Variants in B3GALT5 observed in about 807,000 individuals in gnomAD.
B3GALT5 encodes UDP-Gal:betaGlcNAc beta 1,3-galactosyltransferase, polypeptide 5.
For missense variants in B3GALT5, 328 were observed against 396.6 expected (o/e 0.83, Z 1.47); for synonymous variants, 156 against 158.6 (o/e 0.98, Z 0.12).
In B3GALT5 at chr21:39,669,151, G is replaced by A. The variant is rs947257415; in HGVS notation, c.*7659G>A. 2.6e-5 allele frequency: 4 copies of A among 152,082 alleles called. No individual in the cohort carries two copies. Among genetic ancestry groups the A allele is most frequent in the African/African-American group, 7.2e-5 (3 of 41,394 alleles). 9.4% of individuals were successfully genotyped at this position (152,082 alleles called of 1,614,324 possible). On this transcript the variant is annotated 3_prime_UTR_variant, in exon 4 of 4. Transcript: ENST00000684187. Reference sequence around the variant, plus strand: ...AACTCTTGGAGAAGTTCTTCTGTTCGTGACATTCTTCACAATCAGAGCACT... The same window carrying A: ...AACTCTTGGAGAAGTTCTTCTGTTCATGACATTCTTCACAATCAGAGCACT...
At chr21:39,639,335 TTTCTTTCTTTCTTTCC>T (rs1434090816) in intron 1 of B3GALT5, among the ~76,000 whole-genome samples, 29 of 118,364 alleles carry the variant, frequency 2.5e-4, no homozygotes, top group East Asian at 1.6e-3. Flanking sequence ...TCTTTCTTTC[TTTCTTTCTTTCTTTCC>T]TTCCTTCCTT....
rs561089215 is a variant in B3GALT5 at position 39,616,776 on chromosome 21, T to A, written c.-392+3709T>A. Reference sequence around the variant, plus strand: ...GAGCAGAAGCAGTGGGAATGATGGATAATCATGATTGGTGGATTTAGTCTC... The same window carrying A: ...GAGCAGAAGCAGTGGGAATGATGGAAAATCATGATTGGTGGATTTAGTCTC... On this transcript the variant is annotated intron_variant, in intron 1 of 3. Coordinates refer to ENST00000684187, the MANE Select transcript of B3GALT5 (RefSeq NM_001356336.2). Among the ~76,000 whole-genome samples the A allele has an allele frequency of 3.9e-5, 6 of 152,322 alleles. 1 individual carries two copies. The South Asian group carries it at 1.2e-3, about 32-fold the overall frequency.
At chr21:39,659,227 AGACAGAGT>A (rs2079483827) in intron 2 of B3GALT5, among the ~76,000 whole-genome samples, 1 of 152,302 alleles carries the variant, frequency 6.6e-6, no homozygotes, top group African/African-American at 2.4e-5. Context: ...CCAGCCTGGG[AGACAGAGT>A]GACATCAGGT....
In B3GALT5 at chr21:39,660,938, G is replaced by C. The variant is rs141182818; in HGVS notation, c.379G>C (p.Val127Leu). Residue 127 changes from valine to leucine, a missense_variant, in exon 4 of 4, where the codon GTC (valine) becomes CTC (leucine). By Grantham distance (32) the Val-to-Leu change is conservative. Transcript: ENST00000684187. ...GDIIQKDFLD[V>L]YYNLTLKTMM... Reference sequence around the variant, plus strand: ...CATTATCCAGAAGGATTTCCTAGACGTCTATTACAATCTGACCCTGAAGAC... The same window carrying C: ...CATTATCCAGAAGGATTTCCTAGACCTCTATTACAATCTGACCCTGAAGAC... The C allele has an allele frequency of 1.9e-6, 3 of 1,607,286 alleles. No homozygotes were observed. The Admixed American group carries it at 5.0e-5, about 27-fold the overall frequency.
intron 3 of B3GALT5, 102 bp from the exon 4 acceptor site, chr21:39,660,458 T>G: frequency 9.6e-7 from 1 of 1,041,880 alleles, no homozygotes; most frequent in East Asian, 2.8e-5. Flanking sequence ...GGTTCTAGAG[T>G]TTCCAAAACA....
Position 39,668,838 on chromosome 21 carries a change from GA to G in B3GALT5, c.*7347del, listed in dbSNP as rs2079601537. Reference sequence around the variant, plus strand: ...CTCCGTTTTGTTATCTGAAGAATGGGACCATAGTAGTTCCCGCCTCATGGGA... The same window carrying G: ...CTCCGTTTTGTTATCTGAAGAATGGGCCATAGTAGTTCCCGCCTCATGGGA... On this transcript the variant is annotated 3_prime_UTR_variant, in exon 4 of 4. Coordinates refer to ENST00000684187, the MANE Select transcript of B3GALT5 (RefSeq NM_001356336.2). 6.6e-6 allele frequency: 1 copy of G among 152,172 alleles called. No homozygotes were observed. The highest frequency in any genetic ancestry group is 2.1e-4 in the South Asian group (1 of 4,826). 9.4% of individuals were successfully genotyped at this position (152,172 alleles called of 1,614,324 possible). A position where few individuals can be genotyped will look rare whatever the true frequency, so the allele number is the denominator to read the frequency against.
At chr21:39,646,157 A>G (rs796325983) in intron 1 of B3GALT5, among the ~76,000 whole-genome samples, 2 of 152,220 alleles carry the variant, frequency 1.3e-5, no homozygotes, top group African/African-American at 4.8e-5. Context: ...CTGCCTCTGC[A>G]GCTTTGCCCG....
At chr21:39,639,291 TTTCTTTC>T (rs1297633580) in intron 1 of B3GALT5, among the ~76,000 whole-genome samples, 4 of 45,988 alleles carry the variant, frequency 8.7e-5, no homozygotes, top group Non-Finnish European at 1.7e-4. Context: ...CATCTGGCTC[TTTCTTTC>T]TTTCTTTCTT....
intron 1 of B3GALT5, among the ~76,000 whole-genome samples, chr21:39,629,650 G>GAATGT (rs1602261816): frequency 2.6e-5 from 4 of 152,184 alleles, no homozygotes; most frequent in South Asian, 2.1e-4. Flanking sequence ...AAGCAACTTT[G>GAATGT]AATGTGTTAA....
intron 1 of B3GALT5, 108 bp downstream of exon 1, chr21:39,613,175 G>A (rs1018015926): frequency 2.0e-5 from 3 of 150,886 alleles, no homozygotes; most frequent in African/African-American, 7.3e-5. Context: ...GGACCGCGGC[G>A]CGGCCGCGCA....
chr21:39,640,782 C>T (rs1431007056), intron 1 of B3GALT5, among the ~76,000 whole-genome samples: 1 of 151,382 alleles, frequency 6.6e-6, no homozygotes, highest in Non-Finnish European at 1.5e-5. Context: ...GAGTCTTGCT[C>T]TGGTTGGAGT....
chr21:39,624,851 G>GTT (rs55894121), intron 1 of B3GALT5, among the ~76,000 whole-genome samples: 3 of 146,762 alleles, frequency 2.0e-5, no homozygotes, highest in Non-Finnish European at 3.0e-5. Context: ...CAAGGCGATA[G>GTT]TTTTTTTTTT....
chr21:39,661,743 G>A lies in B3GALT5; in HGVS notation c.*251G>A. ...ACACCTGGATTTTTGCATTTCAGGG[G>A]TCAGTATCCTATGACATGATGGGTG... On this transcript the variant is annotated 3_prime_UTR_variant, in exon 4 of 4. Transcript: ENST00000684187. This position sits in a 1 kb window ranked among gnomAD's most constrained non-coding sequence, Gnocchi z 4.7. The A allele has an allele frequency of 2.6e-6, 1 of 384,984 alleles. No individual in the cohort carries two copies. The highest frequency in any genetic ancestry group is 4.8e-6 in the Non-Finnish European group (1 of 206,862). 23.8% of individuals were successfully genotyped at this position (384,984 alleles called of 1,614,324 possible). A position where few individuals can be genotyped will look rare whatever the true frequency, so the allele number is the denominator to read the frequency against.
In B3GALT5 at chr21:39,639,291, T is replaced by G. The variant is rs191607172; in HGVS notation, c.-391-7101T>G. Among the ~76,000 whole-genome samples, 82 of 45,962 alleles carry G rather than the reference T, an allele frequency of 1.8e-3. 1 individual carries two copies. In the East Asian group the frequency reaches 0.027, roughly 15 times the overall value. 30.2% of individuals were successfully genotyped at this position (45,962 alleles called of 152,430 possible). A position where few individuals can be genotyped will look rare whatever the true frequency, so the allele number is the denominator to read the frequency against. On this transcript the variant is annotated intron_variant, in intron 1 of 3. Transcript: ENST00000684187. ...GCAAGCAGCTTCAGGCATCTGGCTCTTTCTTTCTTTCTTTCTTTCTTTCTT... is the reference window on the plus strand; with the variant it reads ...GCAAGCAGCTTCAGGCATCTGGCTCGTTCTTTCTTTCTTTCTTTCTTTCTT...
chr21:39,657,659 ATCTG>A (rs3068513), intron 2 of B3GALT5: 279,620 of 374,552 alleles, frequency 0.75, 105,798 homozygotes, highest in Middle Eastern at 0.79. Context: ...CTTCTCATCT[ATCTG>A]TCTGTCTATC....
chr21:39,661,435 C>G lies in B3GALT5; in HGVS notation c.876C>G (p.Leu292=). 6.5e-7 allele frequency: 1 copy of G among 1,535,174 alleles called. No individual in the cohort carries two copies. The highest frequency in any genetic ancestry group is 8.7e-7 in the Non-Finnish European group (1 of 1,143,052). Residue 292 remains leucine, a synonymous_variant, in exon 4 of 4, where the codon CTC becomes CTG. Transcript: ENST00000684187. The surrounding 1 kb of genome is among the most constrained non-coding windows in gnomAD (Gnocchi z 4.7). ...VACHFIKPRT[L]LDYWQALENS... The stretch of plus-strand genomic sequence containing the variant: ...GCCACTTCATCAAGCCTCGGACTCT[C>G]TTGGACTACTGGCAGGCTCTAGAGA...
chr21:39,642,400 A>G (rs1243477631), intron 1 of B3GALT5, among the ~76,000 whole-genome samples: 1 of 152,190 alleles, frequency 6.6e-6, no homozygotes, highest in Non-Finnish European at 1.5e-5. Flanking sequence ...TCATTTGAAG[A>G]ATGTAGGAAT....
intron 1 of B3GALT5, among the ~76,000 whole-genome samples, chr21:39,617,228 G>T (rs2079111450): frequency 1.3e-5 from 2 of 152,094 alleles, no homozygotes; most frequent in Admixed American, 1.3e-4. Flanking sequence ...CTCTAAAATG[G>T]TTTCGTATGG....
intron 1 of B3GALT5, among the ~76,000 whole-genome samples, chr21:39,632,456 T>C (rs1195861223): frequency 6.6e-6 from 1 of 152,054 alleles, no homozygotes; most frequent in East Asian, 1.9e-4. Flanking sequence ...TGCAGAAGCT[T>C]GATTTGGAAG....
Sources: allele counts gnomAD v4.1 joint callset (sites outside exome capture counted in the v4.1 genomes callset), GRCh38; gene constraint gnomAD v4.1.1; non-coding constraint Gnocchi (gnomAD v3.1); transcripts MANE v1.5; gene names NCBI Gene and HGNC (gene_info 2026-07-23, HGNC 2026-07-21).